GLIS1: variants seen among roughly 807,000 people sequenced by gnomAD.
The protein encoded by GLIS1 is GLIS family zinc finger 1, also known as zinc finger protein GLIS1.
In GLIS1, 24 loss-of-function variants were observed where a neutral mutation model predicts 63.8. The observed-to-expected ratio is 0.38, with a 90% confidence interval of 0.27 to 0.53. The LOEUF (loss-of-function observed/expected upper bound fraction) is 0.53. Ranked by LOEUF, GLIS1 falls within the 20% of genes least tolerant of loss-of-function variation. The pLI, the probability that GLIS1 is intolerant of heterozygous loss-of-function variation, is 0.85. For missense variants in GLIS1, 1,036 were observed against 1,074.1 expected (o/e 0.96, Z 0.50); for synonymous variants, 450 against 482.5 (o/e 0.93, Z 0.88).
intron 2 of GLIS1, among the ~76,000 whole-genome samples, chr1:53,701,565 T>C (rs924802066): frequency 6.6e-6 from 1 of 152,212 alleles, no homozygotes; most frequent in Non-Finnish European, 1.5e-5. Flanking sequence ...GAAGAAATGA[T>C]TGCCCAAGTT....
chr1:53,594,269 G>A lies in GLIS1; in HGVS notation c.1159C>T (p.Leu387=). ...TGGCTCTTCTCGATGTGCCGCACCA[G>A]CTCCTCCTGCTGCTCATAGGCTGCA... ...CCAAYEQQEE[L]VRHIEKSHID... Residue 387 remains leucine, a synonymous_variant, in exon 4 of 11, where the codon CTG becomes TTG. Transcript: ENST00000628545. 1.2e-6 allele frequency: 2 copies of A among 1,613,342 alleles called. No individual in the cohort carries two copies. The highest frequency in any genetic ancestry group is 1.7e-6 in the Non-Finnish European group (2 of 1,179,962).
chr1:53,660,879 C>G (rs17383325), intron 2 of GLIS1, among the ~76,000 whole-genome samples: 22,256 of 152,156 alleles, frequency 0.15, 1,990 homozygotes, highest in Non-Finnish European at 0.21. Context: ...GCCGAGCTGA[C>G]TCTCCCAGCT....
intron 2 of GLIS1, among the ~76,000 whole-genome samples, chr1:53,702,185 T>A (rs1208981651): frequency 6.6e-6 from 1 of 151,698 alleles, no homozygotes; most frequent in Non-Finnish European, 1.5e-5. Flanking sequence ...AGCAGCAGGG[T>A]GCTGTGGGGT....
chr1:53,528,636 C>T (rs1348934818), intron 5 of GLIS1, among the ~76,000 whole-genome samples: 1 of 152,102 alleles, frequency 6.6e-6, no homozygotes, highest in Admixed American at 6.5e-5. Context: ...GTTTTCCCGG[C>T]TCTAAGGTAA....
intron 8 of GLIS1, among the ~76,000 whole-genome samples, chr1:53,512,592 A>C (rs1644307858): frequency 6.6e-6 from 1 of 152,086 alleles, no homozygotes; most frequent in Admixed American, 6.5e-5. Context: ...GGGATGAAAA[A>C]AGAAACCCAT....
intron 2 of GLIS1, among the ~76,000 whole-genome samples, chr1:53,730,089 T>C (rs941908828): frequency 1.3e-5 from 2 of 152,186 alleles, no homozygotes; most frequent in East Asian, 3.8e-4. Flanking sequence ...CTGCTGAAGC[T>C]ACTTAACCAC....
intron 4 of GLIS1, among the ~76,000 whole-genome samples, chr1:53,580,276 C>A (rs1431096869): frequency 6.6e-6 from 1 of 152,208 alleles, no homozygotes; most frequent in Non-Finnish European, 1.5e-5. Context: ...AGCCCCAGGC[C>A]GCTGCCCCAA....
chr1:53,723,114 CAG>C (rs1646772545), intron 2 of GLIS1, among the ~76,000 whole-genome samples: 1 of 151,408 alleles, frequency 6.6e-6, no homozygotes. Flanking sequence ...GCCTGGGTGA[CAG>C]AGTGAGACTC....
In GLIS1 at chr1:53,539,881, T is replaced by G. The variant is rs1644624542; in HGVS notation, c.1321-9929A>C. Among the ~76,000 whole-genome samples the G allele has an allele frequency of 6.6e-6, 1 of 151,960 alleles. No homozygotes were observed. On this transcript the variant is annotated intron_variant, in intron 4 of 10. Coordinates refer to ENST00000628545, the MANE Select transcript of GLIS1 (RefSeq NM_001367484.1). The surrounding 1 kb of genome is among the most constrained non-coding windows in gnomAD (Gnocchi z 5.0). ...GGGACAGCATGCATAGCCTGAGAGA[T>G]CTCCACTGACCTCTCTAGCCCAATG...
chr1:53,557,105 G>A (rs1371501929), intron 4 of GLIS1, among the ~76,000 whole-genome samples: 3 of 152,024 alleles, frequency 2.0e-5, no homozygotes. Flanking sequence ...TTCAAGGTGT[G>A]TGCATGGGAC....
chr1:53,559,483 G>A (rs898211012), intron 4 of GLIS1, among the ~76,000 whole-genome samples: 4 of 152,166 alleles, frequency 2.6e-5, no homozygotes, highest in Admixed American at 6.5e-5. Flanking sequence ...GAGCCTGCTC[G>A]GCCCCTGCCC....
intron 2 of GLIS1, among the ~76,000 whole-genome samples, chr1:53,727,723 G>T (rs1015332311): frequency 6.6e-6 from 1 of 152,180 alleles, no homozygotes; most frequent in African/African-American, 2.4e-5. Context: ...CCCAGAGGGA[G>T]GGGAGAGGGA....
chr1:53,509,993 G>T lies in GLIS1; in HGVS notation c.1918C>A (p.Pro640Thr). The T allele has an allele frequency of 1.6e-6, 2 of 1,286,098 alleles. No individual in the cohort carries two copies. The highest frequency in any genetic ancestry group is 4.4e-4 in the Middle Eastern group (2 of 4,518). The allele number at this position is 1,286,098 out of a possible 1,614,324, so 79.7% of individuals were successfully genotyped here. ...GPGLLSPIVS[P>T]LKGLGPPPLP... ...GGCGGTGGCCCCAGCCCCTTCAGGG[G>T]GCTGACTATTGGTGAGAGGAGGCCG... The change falls in exon 9 of 11, where the codon CCC becomes ACC. Residue 640 changes from proline to threonine, a missense_variant. Pro to Thr is a conservative substitution (Grantham distance 38, BLOSUM62 -1). Transcript: ENST00000628545.
At chr1:53,535,655 G>A (rs1468822924) in intron 4 of GLIS1, among the ~76,000 whole-genome samples, 5 of 151,988 alleles carry the variant, frequency 3.3e-5, no homozygotes, top group Non-Finnish European at 5.9e-5. Flanking sequence ...TTCCAGGTCT[G>A]CCCCCTTCTC....
chr1:53,635,236 A>G (rs750702392), intron 2 of GLIS1, among the ~76,000 whole-genome samples: 4 of 152,110 alleles, frequency 2.6e-5, no homozygotes, highest in Non-Finnish European at 4.4e-5. Context: ...CCGACCGTGG[A>G]CTGGGCCATA....
intron 2 of GLIS1, among the ~76,000 whole-genome samples, chr1:53,641,748 C>T (rs969691472): frequency 9.2e-5 from 14 of 152,198 alleles, no homozygotes; most frequent in African/African-American, 2.7e-4. Flanking sequence ...TTTCTTAACA[C>T]GCCTTCCTGA....
At chr1:53,609,266 C>CTTTTTTTTTTTTTTTT (rs1221426769) in intron 2 of GLIS1, among the ~76,000 whole-genome samples, 2 of 81,410 alleles carry the variant, frequency 2.5e-5, no homozygotes, top group East Asian at 4.3e-4. Context: ...GGGTTTAAAT[C>CTTTTTTTTTTTTTTTT]TTTTTTTTTT....
intron 2 of GLIS1, among the ~76,000 whole-genome samples, chr1:53,632,600 CAT>C (rs1343320160): frequency 3.8e-5 from 5 of 130,734 alleles, no homozygotes; most frequent in African/African-American, 1.2e-4. Flanking sequence ...GACTGAGGGA[CAT>C]GTGAATGAGT....
At chr1:53,720,535 G>A (rs1646743802) in intron 2 of GLIS1, among the ~76,000 whole-genome samples, 1 of 152,130 alleles carries the variant, frequency 6.6e-6, no homozygotes, top group African/African-American at 2.4e-5. Flanking sequence ...GTTGGTTAAT[G>A]GGTACAAAAA....
Sources: allele counts gnomAD v4.1 joint callset (sites outside exome capture counted in the v4.1 genomes callset), GRCh38; gene constraint gnomAD v4.1.1; non-coding constraint Gnocchi (gnomAD v3.1); transcripts MANE v1.5; gene names NCBI Gene and HGNC (gene_info 2026-07-23, HGNC 2026-07-21).